The following WDR19 variants were observed in gnomAD, a reference collection of about 807,000 sequenced individuals.
WDR19 encodes WD repeat-containing protein 19.
WDR19 carries 121 observed loss-of-function variants against 180.0 expected under a neutral mutation model. The observed-to-expected ratio is 0.67, with a 90% CI of 0.58 to 0.78. The LOEUF is 0.78. WDR19 is among the 30% of genes least tolerant of loss of function. The pLI is 0.00. For missense variants in WDR19, 1,450 were observed against 1,640.7 expected, an observed-to-expected ratio of 0.88 and a Z score of 2.01; for synonymous variants, 497 against 540.7, an observed-to-expected ratio of 0.92 and a Z score of 1.12.
chr4:39,204,496 T>A (rs954275022), intron 7 of WDR19, among the ~76,000 whole-genome samples: 3 of 152,232 alleles, frequency 2.0e-5, no homozygotes, highest in Admixed American at 2.0e-4. Flanking sequence ...AAAGTAGTAG[T>A]TCTTTGTTTC....
rs775219254 is a variant in WDR19 at position 39,203,694 on chromosome 4, A to T, written c.575A>T (p.Asp192Val). 6.2e-7 allele frequency: 1 copy of T among 1,612,756 alleles called. No individual in the cohort carries two copies. The highest frequency in any genetic ancestry group is 8.5e-7 in the Non-Finnish European group (1 of 1,179,432). Reference protein sequence around the residue: ...SNMQFFLMKMDDRTSAAESMI... With the variant: ...SNMQFFLMKMVDRTSAAESMI... ...ATGCAGTTTTTCTTGATGAAGATGGATGACCGAACCTCTGCTGCTGAAAGC... is the reference window on the plus strand; with the variant it reads ...ATGCAGTTTTTCTTGATGAAGATGGTTGACCGAACCTCTGCTGCTGAAAGC... The change falls in exon 7 of 37, where the codon GAT becomes GTT. Residue 192 changes from aspartate to valine, a missense_variant. By Grantham distance (152) the Asp-to-Val change is radical. Coordinates refer to ENST00000399820, the MANE Select transcript of WDR19 (RefSeq NM_025132.4).
chr4:39,224,484 A>T (rs1730028407), intron 14 of WDR19, among the ~76,000 whole-genome samples: 1 of 151,898 alleles, frequency 6.6e-6, no homozygotes, highest in African/African-American at 2.4e-5. Context: ...GGGTTCAAGC[A>T]ATTCTCCTGC....
intron 24 of WDR19, among the ~76,000 whole-genome samples, chr4:39,247,535 C>T (rs1365849579): frequency 2.0e-5 from 3 of 152,084 alleles, no homozygotes; most frequent in African/African-American, 7.2e-5. Context: ...GAGAGGAAGG[C>T]TTCAGAAGAT....
chr4:39,266,051 C>G lies in WDR19; in HGVS notation c.3184-12C>G, dbSNP rs1206980650. On this transcript the variant is annotated splice_polypyrimidine_tract_variant and intron_variant, in intron 28 of 36. Coordinates refer to ENST00000399820, the MANE Select transcript of WDR19 (RefSeq NM_025132.4). ...TGCTGAATTTGCTGGGTTTTTCTCT[C>G]TTATTAAACAGGTTGGTCAGGCCAA... 1 of 1,552,008 alleles carries G rather than the reference C, an allele frequency of 6.4e-7. No homozygotes were observed. Among genetic ancestry groups the G allele is most frequent in the Non-Finnish European group, 8.7e-7 (1 of 1,147,192 alleles).
Position 39,228,643 on chromosome 4 carries a change from G to C in WDR19, c.1935G>C (p.Gly645=), listed in dbSNP as rs531799088. ...HGFLSNLKDT[G]PDELRPMLAQ... The stretch of plus-strand genomic sequence containing the variant: ...TTCTCAGCAACTTAAAAGATACGGG[G>C]CCTGACGAACTGAGACCAATGCTGG... Residue 645 remains glycine, a synonymous_variant, in exon 17 of 37, where the codon GGG becomes GGC. Coordinates refer to ENST00000399820, the MANE Select transcript of WDR19 (RefSeq NM_025132.4). 1.2e-6 allele frequency: 2 copies of C among 1,611,664 alleles called. No homozygotes were observed. Among genetic ancestry groups the C allele is most frequent in the Non-Finnish European group, 1.7e-6 (2 of 1,178,846 alleles).
intron 34 of WDR19, among the ~76,000 whole-genome samples, chr4:39,277,477 C>T (rs1736014157): frequency 6.6e-6 from 1 of 152,188 alleles, no homozygotes; most frequent in Admixed American, 6.5e-5. Flanking sequence ...CAGGCTGCAG[C>T]ACTTAATAAG....
At chr4:39,210,067 G>T (rs1215646384) in intron 9 of WDR19, among the ~76,000 whole-genome samples, 1 of 152,080 alleles carries the variant, frequency 6.6e-6, no homozygotes, top group Non-Finnish European at 1.5e-5. Flanking sequence ...AGGCCTGTAT[G>T]GTTTCATTGA....
intron 7 of WDR19, among the ~76,000 whole-genome samples, chr4:39,204,319 A>G (rs1727714979): frequency 6.6e-6 from 1 of 152,126 alleles, no homozygotes; most frequent in South Asian, 2.1e-4. Flanking sequence ...TCCCGATCTC[A>G]GGTGATCCAC....
intron 21 of WDR19, among the ~76,000 whole-genome samples, 194 bp downstream of exon 21, chr4:39,240,528 A>G (rs1731823889): frequency 6.6e-6 from 1 of 152,226 alleles, no homozygotes; most frequent in Admixed American, 6.5e-5. Context: ...TCTGATGATG[A>G]CAATATTTTT....
At chr4:39,200,271 A>G (rs568157926) in intron 6 of WDR19, among the ~76,000 whole-genome samples, 2 of 152,346 alleles carry the variant, frequency 1.3e-5, no homozygotes, top group East Asian at 1.9e-4. Context: ...GTATTAGCCA[A>G]TCTATTGCTG....
chr4:39,246,712 C>A (rs941649974), intron 24 of WDR19, among the ~76,000 whole-genome samples: 1 of 152,224 alleles, frequency 6.6e-6, no homozygotes, highest in Admixed American at 6.5e-5. Flanking sequence ...TTATATCCTG[C>A]ACCTGACTCA....
intron 23 of WDR19, among the ~76,000 whole-genome samples, chr4:39,244,921 C>CTTTCTTTTTTTTT (rs1292882317): frequency 2.1e-5 from 3 of 139,846 alleles, no homozygotes; most frequent in East Asian, 4.1e-4. Context: ...CCAAGATTTT[C>CTTTCTTTTTTTTT]TTTCTTTTTT....
At chr4:39,251,315 G>C (rs1010638507) in intron 24 of WDR19, among the ~76,000 whole-genome samples, 17 of 152,278 alleles carry the variant, frequency 1.1e-4, no homozygotes, top group Non-Finnish European at 2.1e-4. Context: ...TATGGAGAAA[G>C]CTGAAACTGG....
chr4:39,270,439 G>A (rs777961908), intron 31 of WDR19, among the ~76,000 whole-genome samples: 3 of 152,158 alleles, frequency 2.0e-5, no homozygotes, highest in Admixed American at 6.5e-5. Flanking sequence ...GCAGTGGCAC[G>A]TCCTCGGCTC....
At chr4:39,255,730 C>T (rs1296360567) in intron 26 of WDR19, 118 bp from the exon 27 acceptor site, 1 of 491,394 alleles carries the variant, frequency 2.0e-6, no homozygotes, top group Non-Finnish European at 3.6e-6. Context: ...TTAATAATTA[C>T]ATTGATGTTT....
intron 31 of WDR19, among the ~76,000 whole-genome samples, chr4:39,271,670 C>A (rs1735395824): frequency 6.6e-6 from 1 of 152,214 alleles, no homozygotes; most frequent in Non-Finnish European, 1.5e-5. Flanking sequence ...CTCCAACTTA[C>A]ATATTTTTTC....
chr4:39,245,658 T>C (rs1732445595), intron 24 of WDR19, among the ~76,000 whole-genome samples: 2 of 152,230 alleles, frequency 1.3e-5, no homozygotes, highest in East Asian at 1.9e-4. Flanking sequence ...TACTCAAATA[T>C]AGACTATTAT....
intron 15 of WDR19, among the ~76,000 whole-genome samples, chr4:39,226,391 G>C (rs1730255606): frequency 6.6e-6 from 1 of 152,172 alleles, no homozygotes; most frequent in Non-Finnish European, 1.5e-5. Flanking sequence ...CTACTTTGTA[G>C]GGTTGTTAAA....
At chr4:39,266,854 C>T (rs1418236764) in intron 29 of WDR19, among the ~76,000 whole-genome samples, 4 of 152,178 alleles carry the variant, frequency 2.6e-5, no homozygotes, top group Non-Finnish European at 4.4e-5. Flanking sequence ...GAGGCCAAGG[C>T]GGGTGGATCA....
Sources: allele counts gnomAD v4.1 joint callset (sites outside exome capture counted in the v4.1 genomes callset), GRCh38; gene constraint gnomAD v4.1.1; transcripts MANE v1.5; gene names NCBI Gene and HGNC (gene_info 2026-07-23, HGNC 2026-07-21).